The following IRAK2 variants were observed in gnomAD, a reference collection of about 807,000 sequenced individuals.
The protein encoded by IRAK2 is interleukin 1 receptor associated kinase 2.
Under a neutral mutation model 72.0 loss-of-function variants are expected in IRAK2, and 57 were observed. That is an observed-to-expected ratio of 0.79 (90% CI 0.64 to 0.99). IRAK2 has a LOEUF of 0.99. Ranked by LOEUF, IRAK2 falls within the 50% of genes least tolerant of loss-of-function variation. IRAK2 has a pLI of 0.00. For missense variants in IRAK2, 790 were observed against 794.4 expected (o/e 0.99, Z 0.07); for synonymous variants, 293 against 312.7 (o/e 0.94, Z 0.67).
At chr3:10,234,875 A>T (rs1354189345) in intron 11 of IRAK2, among the ~76,000 whole-genome samples, 5 of 152,218 alleles carry the variant, frequency 3.3e-5, no homozygotes, top group Admixed American at 3.3e-4. Flanking sequence ...CGCAGGACCA[A>T]ACCCGTGGAT....
At chr3:10,216,905 C>G in intron 6 of IRAK2, 29 bp from the exon 7 acceptor site, 1 of 1,541,088 alleles carries the variant, frequency 6.5e-7, no homozygotes, top group South Asian at 1.1e-5. Flanking sequence ...CGTCTGACTC[C>G]TCACACCTGC....
chr3:10,239,829 A>C (rs897515803), intron 12 of IRAK2, among the ~76,000 whole-genome samples: 1 of 151,498 alleles, frequency 6.6e-6, no homozygotes, highest in Non-Finnish European at 1.5e-5. Flanking sequence ...CAACACAAAC[A>C]CCATCCTCAC....
At position 10,213,049 on chromosome 3, in the gene IRAK2, T is replaced by C. The variant is rs573819114; in HGVS notation, c.529-158T>C. Among the ~76,000 whole-genome samples the C allele has an allele frequency of 2.0e-5, 3 of 152,262 alleles. 1 individual carries two copies. The highest frequency in any genetic ancestry group is 7.2e-5 in the African/African-American group (3 of 41,568). On this transcript the variant is annotated intron_variant, in intron 4 of 12. Transcript: ENST00000256458. ...TCCCAAAGTGCTGGGATTACAGGCG[T>C]GAGCCACCGTGCCCGGCCTATCCAT...
chr3:10,184,937 C>T (rs1212619495), intron 2 of IRAK2, among the ~76,000 whole-genome samples: 1 of 150,336 alleles, frequency 6.7e-6, no homozygotes, highest in Non-Finnish European at 1.5e-5. Context: ...CGGGGTTTCA[C>T]CGTGTTAGCC....
intron 2 of IRAK2, among the ~76,000 whole-genome samples, chr3:10,191,748 A>G (rs1023139730): frequency 6.6e-6 from 1 of 152,110 alleles, no homozygotes; most frequent in Admixed American, 6.6e-5. Context: ...TAGGTCCATC[A>G]GGCACCCCTC....
chr3:10,203,673 C>T (rs1047853170), intron 3 of IRAK2, among the ~76,000 whole-genome samples: 21 of 152,216 alleles, frequency 1.4e-4, no homozygotes, highest in Non-Finnish European at 8.8e-5. Flanking sequence ...CGCTCTATCA[C>T]TAGGCTGGAG....
chr3:10,240,517 C>G (rs1698036625), intron 12 of IRAK2, among the ~76,000 whole-genome samples: 1 of 68,148 alleles, frequency 1.5e-5, no homozygotes. Flanking sequence ...AAGTTTCTTT[C>G]TGAAATAAAA....
chr3:10,202,827 G>A (rs903318408), intron 3 of IRAK2, among the ~76,000 whole-genome samples: 21 of 150,986 alleles, frequency 1.4e-4, no homozygotes, highest in African/African-American at 4.9e-4. Context: ...AAGTAGCTGG[G>A]ACTACAGGTG....
rs980445637 is a variant in IRAK2 at position 10,242,300 on chromosome 3, G to A, written c.*72G>A. On this transcript the variant is annotated 3_prime_UTR_variant, in exon 13 of 13. Transcript: ENST00000256458. ...GCATCAGATCAAGAAAAAGGTCTGA[G>A]GCAGAATCCAAGATCTGCCAGGAAA... 20 of 854,488 alleles carry A rather than the reference G, an allele frequency of 2.3e-5. No homozygotes were observed. In the African/African-American group the frequency reaches 3.1e-4, roughly 13 times the overall value. 52.9% of individuals were successfully genotyped at this position (854,488 alleles called of 1,614,324 possible). A position where few individuals can be genotyped will look rare whatever the true frequency, so the allele number is the denominator to read the frequency against.
intron 2 of IRAK2, among the ~76,000 whole-genome samples, chr3:10,198,843 T>C (rs1331462060): frequency 6.6e-6 from 1 of 152,122 alleles, no homozygotes; most frequent in Non-Finnish European, 1.5e-5. Flanking sequence ...CTTTATGTCA[T>C]GCTCTGTGTG....
intron 10 of IRAK2, among the ~76,000 whole-genome samples, chr3:10,228,666 T>C (rs1256355894): frequency 2.0e-5 from 3 of 152,204 alleles, no homozygotes; most frequent in Non-Finnish European, 4.4e-5. Flanking sequence ...TCTCTTATCA[T>C]GTTCTGTTGT....
chr3:10,170,952 AAAG>A (rs1696785690), intron 1 of IRAK2, among the ~76,000 whole-genome samples: 1 of 152,196 alleles, frequency 6.6e-6, no homozygotes, highest in African/African-American at 2.4e-5. Flanking sequence ...GTCATTTTAG[AAAG>A]AAGACAGTCC....
chr3:10,188,513 T>C (rs1333314390), intron 2 of IRAK2, among the ~76,000 whole-genome samples: 3 of 151,474 alleles, frequency 2.0e-5, no homozygotes, highest in Non-Finnish European at 4.4e-5. Flanking sequence ...TTTGTAATTT[T>C]ATTTATTTAT....
intron 1 of IRAK2, among the ~76,000 whole-genome samples, chr3:10,174,588 G>C (rs1188090631): frequency 6.6e-6 from 1 of 152,028 alleles, no homozygotes. Context: ...GCAGTGGCGT[G>C]ATCTCGGCTC....
At chr3:10,207,992 C>CAAAAA (rs35298616) in intron 3 of IRAK2, among the ~76,000 whole-genome samples, 1 of 95,006 alleles carries the variant, frequency 1.1e-5, no homozygotes, top group Non-Finnish European at 2.0e-5. Context: ...ACTCTGTTTC[C>CAAAAA]AAAAAAAAAA....
At chr3:10,192,438 C>T (rs1056252914) in intron 2 of IRAK2, among the ~76,000 whole-genome samples, 11 of 152,226 alleles carry the variant, frequency 7.2e-5, no homozygotes, top group South Asian at 2.1e-4. Flanking sequence ...GCCAAAGGCC[C>T]AGCACCCATA....
intron 2 of IRAK2, among the ~76,000 whole-genome samples, chr3:10,197,384 CAA>C (rs992602301): frequency 1.8e-4 from 21 of 114,206 alleles, no homozygotes; most frequent in African/African-American, 1.3e-4. Flanking sequence ...GACTCTGTCT[CAA>C]AAAAAAAAAA....
Position 10,226,444 on chromosome 3 carries a change from T to C in IRAK2, c.1272+11T>C. The C allele has an allele frequency of 6.2e-7, 1 of 1,611,020 alleles. No individual in the cohort carries two copies. The highest frequency in any genetic ancestry group is 2.2e-5 in the East Asian group (1 of 44,864). On this transcript the variant is annotated intron_variant, in intron 10 of 12. Coordinates refer to ENST00000256458, the MANE Select transcript of IRAK2 (RefSeq NM_001570.4). ...AGCCCGGTTTACCTGGTAAGGGAAC[T>C]TGTCACATCTGGCTGGGAGGTATAT...
Position 10,222,877 on chromosome 3 carries a change from T to A in IRAK2, c.1209+46T>A, listed in dbSNP as rs757374558. The A allele has an allele frequency of 2.6e-6, 4 of 1,535,968 alleles. No individual in the cohort carries two copies. The African/African-American group carries it at 5.4e-5, about 21-fold the overall frequency. On this transcript the variant is annotated intron_variant, in intron 9 of 12. Transcript: ENST00000256458. ...GTAGAGTGGGGCCCACCTTGATTTGTCCTTCCCACGGCTCCTTTGTAATCA... is the reference window on the plus strand; with the variant it reads ...GTAGAGTGGGGCCCACCTTGATTTGACCTTCCCACGGCTCCTTTGTAATCA...
Sources: allele counts gnomAD v4.1 joint callset (sites outside exome capture counted in the v4.1 genomes callset), GRCh38; gene constraint gnomAD v4.1.1; transcripts MANE v1.5; gene names NCBI Gene and HGNC (gene_info 2026-07-23, HGNC 2026-07-21).